CRIM1: variants seen among roughly 807,000 people sequenced by gnomAD.
CRIM1 encodes the protein cysteine rich transmembrane BMP regulator 1, also known as cysteine-rich motor neuron 1 protein.
A neutral mutation model predicts 116.4 loss-of-function variants in CRIM1; 32 were observed. That is an observed-to-expected ratio of 0.27 (90% CI 0.21 to 0.37). The LOEUF is 0.37. Among genes scored for constraint, CRIM1 ranks in the 10% least tolerant of loss-of-function variants. The pLI is 1.00. For missense variants in CRIM1, 1,331 were observed against 1,354.8 expected, an observed-to-expected ratio of 0.98 and a Z score of 0.28; for synonymous variants, 590 against 509.2, an observed-to-expected ratio of 1.16 and a Z score of -2.13.
At chr2:36,544,940 G>A (rs1279767659) in intron 15 of CRIM1, among the ~76,000 whole-genome samples, 1 of 152,152 alleles carries the variant, frequency 6.6e-6, no homozygotes, top group Non-Finnish European at 1.5e-5. Context: ...CACTTCATGT[G>A]AGCTAAACTT....
chr2:36,451,170 G>A (rs959863909), intron 4 of CRIM1, among the ~76,000 whole-genome samples: 1 of 152,212 alleles, frequency 6.6e-6, no homozygotes, highest in African/African-American at 2.4e-5. Flanking sequence ...TGGGCTTGGT[G>A]TGGGGTATAG....
At chr2:36,529,204 C>A (rs1665955192) in intron 13 of CRIM1, 1 of 471,192 alleles carries the variant, frequency 2.1e-6, no homozygotes, top group Non-Finnish European at 4.4e-6. Context: ...TGGGGGAAGA[C>A]CCCATCACAA....
chr2:36,433,378 G>A (rs569768592), intron 2 of CRIM1, among the ~76,000 whole-genome samples: 22 of 152,296 alleles, frequency 1.4e-4, no homozygotes, highest in African/African-American at 5.1e-4. Flanking sequence ...CTAGAGGCAC[G>A]GTGGGGCCGA....
chr2:36,540,758 A>G (rs1666889646), intron 14 of CRIM1, among the ~76,000 whole-genome samples: 1 of 152,204 alleles, frequency 6.6e-6, no homozygotes, highest in Non-Finnish European at 1.5e-5. Context: ...ACTAAAGCAG[A>G]GAGAGACCAG....
At chr2:36,465,115 T>C (rs1487216789) in intron 5 of CRIM1, among the ~76,000 whole-genome samples, 1 of 152,340 alleles carries the variant, frequency 6.6e-6, no homozygotes, top group Non-Finnish European at 1.5e-5. Context: ...TTGCACCTGA[T>C]CTTAGCCAAA....
At chr2:36,538,468 A>G (rs1012691220) in intron 14 of CRIM1, among the ~76,000 whole-genome samples, 4 of 152,170 alleles carry the variant, frequency 2.6e-5, no homozygotes, top group African/African-American at 9.7e-5. Context: ...TTCTCGCAGC[A>G]TTATATTAGA....
intron 2 of CRIM1, among the ~76,000 whole-genome samples, chr2:36,410,897 A>G (rs1673155812): frequency 6.6e-6 from 1 of 152,168 alleles, no homozygotes; most frequent in South Asian, 2.1e-4. Context: ...CACATTGAGG[A>G]GGGAACTTGG....
intron 2 of CRIM1, among the ~76,000 whole-genome samples, chr2:36,412,572 G>T (rs1673297663): frequency 1.3e-5 from 2 of 152,088 alleles, no homozygotes; most frequent in Non-Finnish European, 2.9e-5. Context: ...TGTATTATTT[G>T]TGTATTCCTC....
chr2:36,488,422 G>A (rs1679990973), intron 7 of CRIM1, among the ~76,000 whole-genome samples: 1 of 152,150 alleles, frequency 6.6e-6, no homozygotes, highest in African/African-American at 2.4e-5. Context: ...TGAGCTCCCA[G>A]AATGCAGATT....
intron 2 of CRIM1, among the ~76,000 whole-genome samples, chr2:36,433,148 C>G (rs1015954930): frequency 6.6e-6 from 1 of 152,160 alleles, no homozygotes; most frequent in Non-Finnish European, 1.5e-5. Context: ...TCATCTCAAA[C>G]TTTACTGTGC....
intron 1 of CRIM1, among the ~76,000 whole-genome samples, chr2:36,361,939 G>A (rs1669248523): frequency 6.6e-6 from 1 of 152,088 alleles, no homozygotes; most frequent in African/African-American, 2.4e-5. Context: ...CTTCTCAGAG[G>A]TCTAATTCTG....
chr2:36,414,097 G>A (rs1454333193), intron 2 of CRIM1, among the ~76,000 whole-genome samples: 1 of 152,126 alleles, frequency 6.6e-6, no homozygotes, highest in African/African-American at 2.4e-5. Context: ...TTTTTAATGG[G>A]AATTCAGTTG....
chr2:36,446,119 C>T (rs1372759078), intron 4 of CRIM1, among the ~76,000 whole-genome samples: 1 of 152,158 alleles, frequency 6.6e-6, no homozygotes, highest in Non-Finnish European at 1.5e-5. Context: ...AAAGTAACAA[C>T]TCCCTTTTTA....
At chr2:36,482,803 G>A (rs371288676) in intron 7 of CRIM1, among the ~76,000 whole-genome samples, 1 of 152,188 alleles carries the variant, frequency 6.6e-6, no homozygotes. Context: ...TGTGGTTTTA[G>A]ATTCTAAGTA....
intron 5 of CRIM1, among the ~76,000 whole-genome samples, chr2:36,466,744 C>A (rs1678068190): frequency 6.6e-6 from 1 of 152,144 alleles, no homozygotes; most frequent in South Asian, 2.1e-4. Flanking sequence ...ATCTTAGTTC[C>A]CTCTAGAGGT....
At chr2:36,432,783 G>A (rs1674992639) in intron 2 of CRIM1, among the ~76,000 whole-genome samples, 1 of 141,804 alleles carries the variant, frequency 7.1e-6, no homozygotes, top group East Asian at 2.1e-4. Context: ...AGTCAGCTGG[G>A]GAACTGTAAA....
At chr2:36,477,781 T>TC (rs1679097596) in intron 6 of CRIM1, among the ~76,000 whole-genome samples, 1 of 152,218 alleles carries the variant, frequency 6.6e-6, no homozygotes, top group Admixed American at 6.5e-5. Flanking sequence ...AAACAGTTGC[T>TC]CTGAATATCA....
Position 36,537,372 on chromosome 2 carries a change from G to T in CRIM1, c.2449G>T (p.Val817Leu). ...ACTAGAAGACACAATTCCAAAGAAG[G>T]TGGTGTGCCACTTCAGTGGGAAGGC... ...YCIEDTIPKK[V>L]VCHFSGKAYA... Residue 817 changes from valine (V) to leucine (L), a missense_variant, in exon 14 of 17, where the codon GTG (valine) becomes TTG (leucine). Val to Leu is a conservative substitution (Grantham distance 32). This residue lies in a region of CRIM1 where 358 missense variants were observed against 436.1 expected (regional missense o/e 0.82). Transcript: ENST00000280527. The T allele has an allele frequency of 6.2e-7, 1 of 1,614,192 alleles. No homozygotes were observed. Among genetic ancestry groups the T allele is most frequent in the Admixed American group, 1.7e-5 (1 of 60,034 alleles).
At chr2:36,471,741 ACACACACACACACACACACC>A (rs1476640515) in intron 5 of CRIM1, among the ~76,000 whole-genome samples, 1 of 147,506 alleles carries the variant, frequency 6.8e-6, no homozygotes, top group Non-Finnish European at 1.5e-5. Context: ...ACACACACAC[ACACACACACACACACACACC>A]ATCTTACAAT....
Sources: allele counts gnomAD v4.1 joint callset (sites outside exome capture counted in the v4.1 genomes callset), GRCh38; gene constraint gnomAD v4.1.1; regional missense constraint gnomAD v4.1.1; transcripts MANE v1.5; gene names NCBI Gene and HGNC (gene_info 2026-07-23, HGNC 2026-07-21).